PEBP4: variants seen among roughly 807,000 people sequenced by gnomAD.
PEBP4 encodes phosphatidylethanolamine-binding protein 4.
In PEBP4, 22 loss-of-function variants were observed where a neutral mutation model predicts 23.9. That is an observed-to-expected ratio of 0.92 (90% CI 0.66 to 1.31). The LOEUF (loss-of-function observed/expected upper bound fraction) is 1.31. PEBP4 is among the 40% of genes most tolerant of loss of function. The pLI, the probability that PEBP4 is intolerant of heterozygous loss-of-function variation, is 0.00. For missense variants in PEBP4, 324 were observed against 281.7 expected, an observed-to-expected ratio of 1.15 and a Z score of -1.07; for synonymous variants, 112 against 99.3, an observed-to-expected ratio of 1.13 and a Z score of -0.76.
chr8:22,858,684 T>A (rs112520979), intron 3 of PEBP4, among the ~76,000 whole-genome samples: 3,388 of 152,284 alleles, frequency 0.022, 110 homozygotes, highest in African/African-American at 0.077. Context: ...TGGTGGTTCA[T>A]GCCTGTAATC....
intron 4 of PEBP4, among the ~76,000 whole-genome samples, chr8:22,770,303 G>A (rs1278792872): frequency 6.6e-6 from 1 of 152,232 alleles, no homozygotes; most frequent in Admixed American, 6.5e-5. Flanking sequence ...TCTGCCATAT[G>A]GTTGCCAAAG....
intron 4 of PEBP4, among the ~76,000 whole-genome samples, chr8:22,776,409 C>A (rs116591284): frequency 5.5e-4 from 84 of 152,172 alleles, no homozygotes; most frequent in African/African-American, 2.0e-3. Flanking sequence ...TTTGGGGGAG[C>A]TTTCCATGGT....
In PEBP4 at chr8:22,891,502, G is replaced by A. The variant is rs117373817; in HGVS notation, c.258+28682C>T. On this transcript the variant is annotated intron_variant, in intron 3 of 6. Coordinates refer to ENST00000256404, the MANE Select transcript of PEBP4 (RefSeq NM_144962.3). ...CAGAAGACAAAGCTGTTTGGGGGAA[G>A]GAGGAGTCTGGGTGTGGGGATGACA... Among the ~76,000 whole-genome samples, 93 of 152,360 alleles carry A rather than the reference G, an allele frequency of 6.1e-4. 1 individual carries two copies. The East Asian group carries it at 0.014, about 23-fold the overall frequency.
rs773754326 is a variant in PEBP4, at chr8:22,713,413, C to T, written c.641G>A (p.Ser214Asn). 1 of 1,610,744 alleles carries T rather than the reference C, an allele frequency of 6.2e-7. No homozygotes were observed. Among genetic ancestry groups the T allele is most frequent in the Admixed American group, 1.7e-5 (1 of 59,212 alleles). ...CGCCTGGTTTTTGTGCTTGGGCTCG[C>T]TGGCCCTTTCTCTGGGAGCCTGGAG... is the stretch of plus-strand genomic sequence containing the variant. ...PTLQAPRERASEPKHKNQAEI... is the reference protein window; with the variant it reads ...PTLQAPRERANEPKHKNQAEI... Residue 214 changes from serine to asparagine, a missense_variant, in exon 7 of 7, where the codon AGC becomes AAC. Physicochemically the swap from Ser to Asn is conservative, Grantham distance 46. Transcript: ENST00000256404.
At chr8:22,922,225 G>A (rs570122403) in intron 2 of PEBP4, among the ~76,000 whole-genome samples, 1 of 152,114 alleles carries the variant, frequency 6.6e-6, no homozygotes, top group East Asian at 2.0e-4. Context: ...AGGATGATGG[G>A]AAAGGGGCAT....
intron 4 of PEBP4, among the ~76,000 whole-genome samples, chr8:22,771,930 G>A (rs563611011): frequency 1.2e-3 from 187 of 152,356 alleles, no homozygotes; most frequent in African/African-American, 4.2e-3. Context: ...GTGCCTATGG[G>A]GTAGCCCTGC....
At chr8:22,744,064 C>T (rs771216630) in intron 4 of PEBP4, among the ~76,000 whole-genome samples, 1 of 152,196 alleles carries the variant, frequency 6.6e-6, no homozygotes, top group Non-Finnish European at 1.5e-5. Flanking sequence ...GCCCTGTGTT[C>T]CCAGGATCAG....
Position 22,751,955 on chromosome 8 carries a change from G to T in PEBP4, c.358-24735C>A, listed in dbSNP as rs117125128. ...TTTGGCACTGAGGCTGGAATGCAGT[G>T]GTTTGATCATAGCGCACTGCAGCCT... is the stretch of plus-strand genomic sequence containing the variant. On this transcript the variant is annotated intron_variant, in intron 4 of 6. Coordinates refer to ENST00000256404, the MANE Select transcript of PEBP4 (RefSeq NM_144962.3). 5.5e-3 allele frequency among the ~76,000 whole-genome samples: 843 copies of T among 152,306 alleles called. 4 individuals are homozygous for T. The highest frequency in any genetic ancestry group is 0.01 in the Non-Finnish European group (703 of 68,016).
chr8:22,861,772 C>T (rs1287968721), intron 3 of PEBP4, among the ~76,000 whole-genome samples: 1 of 152,176 alleles, frequency 6.6e-6, no homozygotes, highest in Admixed American at 6.5e-5. Context: ...GAACTAAGAA[C>T]TTCTCTTGAC....
upstream of PEBP4, chr8:22,928,031 T>C (rs1809389098): frequency 6.3e-6 from 2 of 315,894 alleles, no homozygotes; most frequent in Non-Finnish European, 1.2e-5. Context: ...GGCTGCAAAG[T>C]AGAAGTGCTT....
In PEBP4 at chr8:22,751,655, TGTTGTGC is replaced by T. The variant is rs1453594586; in HGVS notation, c.358-24442_358-24436del. On this transcript the variant is annotated intron_variant, in intron 4 of 6. Transcript: ENST00000256404. ...CTGTGTGTGTGTGTGTGTGTGTGTG[TGTTGTGC>T]GTCTATATATTTGTATTTACAGAAC... Among the ~76,000 whole-genome samples, 508 of 139,440 alleles carry T rather than the reference TGTTGTGC, an allele frequency of 3.6e-3. 2 individuals carry two copies. Among genetic ancestry groups the T allele is most frequent in the Middle Eastern group, 7.1e-3 (2 of 282 alleles). The allele number at this position is 139,440 out of a possible 152,430, so 91.5% of individuals were successfully genotyped here.
At chr8:22,909,674 GA>G (rs995230509) in intron 3 of PEBP4, among the ~76,000 whole-genome samples, 4 of 152,174 alleles carry the variant, frequency 2.6e-5, no homozygotes, top group Non-Finnish European at 5.9e-5. Flanking sequence ...CAGTACTGTG[GA>G]GTGGTTAGGG....
In PEBP4 at chr8:22,881,035, T is replaced by C. The variant is rs1808243967; in HGVS notation, c.258+39149A>G. Among the ~76,000 whole-genome samples the C allele has an allele frequency of 5.9e-5, 9 of 152,260 alleles. No individual in the cohort carries two copies. In the South Asian group the frequency reaches 1.9e-3, roughly 32 times the overall value. On this transcript the variant is annotated intron_variant, in intron 3 of 6. Transcript: ENST00000256404. ...TCCCAGGCTTCCCAGATCCTCTGGATTTAGTTTGGGTTGAGCCATCTAGAG... is the reference window on the plus strand; with the variant it reads ...TCCCAGGCTTCCCAGATCCTCTGGACTTAGTTTGGGTTGAGCCATCTAGAG...
At chr8:22,872,928 C>T (rs1443367569) in intron 3 of PEBP4, among the ~76,000 whole-genome samples, 5 of 152,144 alleles carry the variant, frequency 3.3e-5, no homozygotes, top group African/African-American at 4.8e-5. Context: ...CCGCCCGCCT[C>T]GGCCTCCCAA....
chr8:22,807,533 T>A (rs1806523476), intron 4 of PEBP4, among the ~76,000 whole-genome samples: 1 of 152,254 alleles, frequency 6.6e-6, no homozygotes, highest in South Asian at 2.1e-4. Flanking sequence ...ATGTTTGCAA[T>A]AACAATCTAG....
intron 4 of PEBP4, among the ~76,000 whole-genome samples, chr8:22,810,132 A>G (rs540165798): frequency 3.0e-4 from 46 of 152,254 alleles, no homozygotes; most frequent in African/African-American, 1.0e-3. Context: ...CTGTTTTCCA[A>G]CGAGATTTCC....
intron 4 of PEBP4, among the ~76,000 whole-genome samples, chr8:22,747,317 C>T (rs1805143355): frequency 6.6e-6 from 1 of 152,194 alleles, no homozygotes; most frequent in African/African-American, 2.4e-5. Context: ...GGCTCTGTCC[C>T]TTCCTCAAGT....
At chr8:22,904,564 C>T (rs1356915806) in intron 3 of PEBP4, among the ~76,000 whole-genome samples, 1 of 152,118 alleles carries the variant, frequency 6.6e-6, no homozygotes, top group African/African-American at 2.4e-5. Flanking sequence ...CATTGGAGAA[C>T]ATATGGAAAT....
intron 3 of PEBP4, among the ~76,000 whole-genome samples, chr8:22,832,284 G>A (rs1807102076): frequency 6.6e-6 from 1 of 152,134 alleles, no homozygotes; most frequent in African/African-American, 2.4e-5. Flanking sequence ...TGATGAGGGT[G>A]GAGCCCTTGT....
Sources: gnomAD v4.1 joint callset for allele counts (sites outside exome capture counted in the v4.1 genomes callset) on GRCh38, gnomAD v4.1.1 for gene constraint, MANE v1.5 for transcripts, NCBI Gene and HGNC (gene_info 2026-07-23, HGNC 2026-07-21) for gene names.